Variants in ST6GALNAC3 observed in about 807,000 individuals in gnomAD.
The protein encoded by ST6GALNAC3 is ST6 N-acetylgalactosaminide alpha-2,6-sialyltransferase 3.
In ST6GALNAC3, 25 loss-of-function variants were observed where a neutral mutation model predicts 32.7. The observed-to-expected ratio is 0.76, with a 90% CI of 0.56 to 1.07. The LOEUF is 1.07. Among genes scored for constraint, ST6GALNAC3 ranks in the 50% least tolerant of loss-of-function variants. ST6GALNAC3 has a pLI of 0.00. For synonymous variants in ST6GALNAC3, 129 were observed against 133.1 expected (o/e 0.97, Z 0.21); for missense variants, 355 against 382.4 (o/e 0.93, Z 0.60).
chr1:76,379,545 G>C (rs951640706), intron 2 of ST6GALNAC3, among the ~76,000 whole-genome samples: 1 of 152,204 alleles, frequency 6.6e-6, no homozygotes, highest in Non-Finnish European at 1.5e-5. Flanking sequence ...TGGAGAAAGA[G>C]AGAATCTCAT....
At chr1:76,328,646 G>A (rs893395024) in intron 2 of ST6GALNAC3, among the ~76,000 whole-genome samples, 1 of 152,136 alleles carries the variant, frequency 6.6e-6, no homozygotes, top group African/African-American at 2.4e-5. Context: ...TGGACACTAT[G>A]TATTCAGTAC....
chr1:76,260,951 A>C (rs1212848215), intron 1 of ST6GALNAC3, among the ~76,000 whole-genome samples: 1 of 148,624 alleles, frequency 6.7e-6, no homozygotes, highest in East Asian at 2.0e-4. Flanking sequence ...ATATATTTAT[A>C]GTGTACAATG....
intron 3 of ST6GALNAC3, among the ~76,000 whole-genome samples, chr1:76,531,857 C>A (rs185478056): frequency 1.3e-4 from 20 of 152,214 alleles, no homozygotes; most frequent in Non-Finnish European, 2.2e-4. Context: ...GGCTGCCCAG[C>A]AACATTGGAG....
At chr1:76,214,370 T>G (rs997886071) in intron 1 of ST6GALNAC3, among the ~76,000 whole-genome samples, 35 of 152,162 alleles carry the variant, frequency 2.3e-4, no homozygotes, top group African/African-American at 8.4e-4. Flanking sequence ...CCAAATTTCT[T>G]ACTTCTCATA....
chr1:76,572,640 C>T (rs1646723628), intron 3 of ST6GALNAC3, among the ~76,000 whole-genome samples: 1 of 152,120 alleles, frequency 6.6e-6, no homozygotes, highest in South Asian at 2.1e-4. Flanking sequence ...TAAATACACA[C>T]ATTTCTTCAT....
intron 2 of ST6GALNAC3, among the ~76,000 whole-genome samples, chr1:76,369,397 T>G (rs1650640421): frequency 6.6e-6 from 1 of 152,190 alleles, no homozygotes; most frequent in South Asian, 2.1e-4. Flanking sequence ...TGTAGCTCAC[T>G]ATGTGCCAGG....
At chr1:76,505,264 A>C (rs978439122) in intron 3 of ST6GALNAC3, among the ~76,000 whole-genome samples, 3 of 151,972 alleles carry the variant, frequency 2.0e-5, no homozygotes, top group African/African-American at 7.3e-5. Context: ...CTGGGACTAC[A>C]GGTGCGTGCC....
rs149134695 is a variant in ST6GALNAC3, at chr1:76,226,583, G to A, written c.19-87222G>A. ...TGGCTCACTATTCTGCAGGCCGTAC[G>A]GGAAGCAGAGTGGCTTGTGGTTCTG... On this transcript the variant is annotated intron_variant, in intron 1 of 4. Transcript: ENST00000328299. 9.0e-3 allele frequency among the ~76,000 whole-genome samples: 1,374 copies of A among 152,250 alleles called. 22 individuals are homozygous for A. The highest frequency in any genetic ancestry group is 0.032 in the African/African-American group (1,311 of 41,554).
At chr1:76,411,386 T>C (rs1282996852) in intron 2 of ST6GALNAC3, among the ~76,000 whole-genome samples, 1 of 152,130 alleles carries the variant, frequency 6.6e-6, no homozygotes, top group African/African-American at 2.4e-5. Context: ...CCTTTCCTTA[T>C]CCATCTAGGA....
intron 1 of ST6GALNAC3, among the ~76,000 whole-genome samples, chr1:76,148,181 T>C (rs1006987914): frequency 6.6e-6 from 1 of 152,202 alleles, no homozygotes; most frequent in Non-Finnish European, 1.5e-5. Flanking sequence ...TTGACGCATC[T>C]GTTTCCTCAG....
chr1:76,301,494 C>A (rs867000949), intron 1 of ST6GALNAC3, among the ~76,000 whole-genome samples: 15 of 152,166 alleles, frequency 9.9e-5, no homozygotes, highest in Middle Eastern at 3.4e-3. Flanking sequence ...GTAATAAATG[C>A]ATATGCTTTA....
At chr1:76,542,529 A>G (rs779270441) in intron 3 of ST6GALNAC3, among the ~76,000 whole-genome samples, 1 of 152,162 alleles carries the variant, frequency 6.6e-6, no homozygotes, top group African/African-American at 2.4e-5. Flanking sequence ...CCTCAGCTAC[A>G]TGGCTACAAT....
intron 3 of ST6GALNAC3, among the ~76,000 whole-genome samples, chr1:76,622,838 G>T (rs1648734482): frequency 6.6e-6 from 1 of 151,912 alleles, no homozygotes; most frequent in Non-Finnish European, 1.5e-5. Context: ...TTGAAAAGTA[G>T]CCATTTCCAT....
chr1:76,286,668 A>G (rs1352853124), intron 1 of ST6GALNAC3, among the ~76,000 whole-genome samples: 1 of 152,136 alleles, frequency 6.6e-6, no homozygotes, highest in East Asian at 1.9e-4. Context: ...AAAGTGCCTC[A>G]CTTGTTTATA....
intron 1 of ST6GALNAC3, among the ~76,000 whole-genome samples, chr1:76,191,545 A>G (rs1352006723): frequency 6.6e-6 from 1 of 152,218 alleles, no homozygotes; most frequent in African/African-American, 2.4e-5. Flanking sequence ...CTCACCATGT[A>G]TAAATGATAA....
chr1:76,395,361 G>C (rs1652869303), intron 2 of ST6GALNAC3, among the ~76,000 whole-genome samples: 1 of 152,128 alleles, frequency 6.6e-6, no homozygotes, highest in Non-Finnish European at 1.5e-5. Context: ...AATTAGTATA[G>C]TCATTATGGA....
intron 2 of ST6GALNAC3, among the ~76,000 whole-genome samples, chr1:76,410,619 A>T (rs1654167531): frequency 6.6e-6 from 1 of 152,108 alleles, no homozygotes. Context: ...TATAGTTTTC[A>T]CTGCTGAATT....
At chr1:76,312,929 T>C (rs1021977648) in intron 1 of ST6GALNAC3, among the ~76,000 whole-genome samples, 4 of 152,180 alleles carry the variant, frequency 2.6e-5, no homozygotes, top group Non-Finnish European at 5.9e-5. Context: ...ACACATGCAT[T>C]TTATCAAGCT....
chr1:76,294,589 G>A (rs532458483), intron 1 of ST6GALNAC3, among the ~76,000 whole-genome samples: 2 of 152,164 alleles, frequency 1.3e-5, no homozygotes, highest in African/African-American at 4.8e-5. Context: ...TTATTTGTCA[G>A]TGTTTATAGC....
Sources: gnomAD v4.1 joint callset for allele counts (sites outside exome capture counted in the v4.1 genomes callset) on GRCh38, gnomAD v4.1.1 for gene constraint, MANE v1.5 for transcripts, NCBI Gene and HGNC (gene_info 2026-07-23, HGNC 2026-07-21) for gene names.